TRAPPC10: variants seen among roughly 807,000 people sequenced by gnomAD.
The protein encoded by TRAPPC10 is TRAPP 130 kDa subunit.
In TRAPPC10, 23 loss-of-function variants were observed where a neutral mutation model predicts 125.5. That is an observed-to-expected ratio of 0.18 (90% CI 0.13 to 0.26). The LOEUF is 0.26. TRAPPC10 is among the 10% of genes least tolerant of loss of function. The pLI is 1.00. For synonymous variants in TRAPPC10, 509 were observed against 518.0 expected (o/e 0.98, Z 0.24); for missense variants, 1,123 against 1,308.4 (o/e 0.86, Z 2.19).
chr21:44,083,434 CT>C, intron 14 of TRAPPC10, 132 bp downstream of exon 14: 1 of 1,025,048 alleles, frequency 9.8e-7, no homozygotes, highest in Non-Finnish European at 1.4e-6. Flanking sequence ...TGTCTCTGTC[CT>C]TATACAAAAA....
rs1341510462 is a variant in TRAPPC10 at position 44,063,827 on chromosome 21, TC to T, written c.1038+44del. On this transcript the variant is annotated intron_variant, in intron 7 of 22. Transcript: ENST00000291574. The surrounding 1 kb of genome is among the most constrained non-coding windows in gnomAD (Gnocchi z 4.4). ...CCCAATTTACCCGTTTCTTGATTGT[TC>T]CAGCAGAAATCTCTGAACCTTGAGA... 6.3e-7 allele frequency: 1 copy of T among 1,587,684 alleles called. No homozygotes were observed. Among genetic ancestry groups the T allele is most frequent in the East Asian group, 2.2e-5 (1 of 44,620 alleles).
intron 18 of TRAPPC10, among the ~76,000 whole-genome samples, chr21:44,091,600 T>C (rs2038584421): frequency 6.6e-6 from 1 of 152,072 alleles, no homozygotes; most frequent in African/African-American, 2.4e-5. Flanking sequence ...CCACCACGTC[T>C]GGCTAATTTT....
Position 44,052,397 on chromosome 21 carries a change from A to C in TRAPPC10, c.403A>C (p.Lys135Gln), listed in dbSNP as rs1356881197. ...GATAGTTGAAAATGATGCCAAGAAA[A>C]AAAACAAAACCAACATCCTTCCCCG... is the stretch of plus-strand genomic sequence containing the variant. ...IVIVENDAKKKNKTNILPRTS... is the reference protein window; with the variant it reads ...IVIVENDAKKQNKTNILPRTS... Residue 135 changes from lysine (K) to glutamine (Q), a missense_variant, in exon 4 of 23, where the codon AAA becomes CAA. Coordinates refer to ENST00000291574, the MANE Select transcript of TRAPPC10 (RefSeq NM_003274.5). The C allele has an allele frequency of 1.2e-6, 2 of 1,613,980 alleles. No individual in the cohort carries two copies. Among genetic ancestry groups the C allele is most frequent in the African/African-American group, 2.7e-5 (2 of 74,942 alleles).
chr21:44,019,130 C>T (rs2032206922), intron 1 of TRAPPC10, among the ~76,000 whole-genome samples: 1 of 152,076 alleles, frequency 6.6e-6, no homozygotes, highest in Non-Finnish European at 1.5e-5. Context: ...GATCTCGGCT[C>T]ACTGCAGCCT....
At chr21:44,015,662 T>A (rs1415236215) in intron 1 of TRAPPC10, among the ~76,000 whole-genome samples, 1 of 151,790 alleles carries the variant, frequency 6.6e-6, no homozygotes, top group African/African-American at 2.4e-5. Flanking sequence ...TTGCCCAGGC[T>A]GGAGTGCAGT....
intron 7 of TRAPPC10, among the ~76,000 whole-genome samples, chr21:44,066,818 A>G (rs2036486724): frequency 1.3e-5 from 2 of 152,236 alleles, no homozygotes; most frequent in Admixed American, 1.3e-4. Context: ...TCGAAGATAG[A>G]CATGTTTTTA....
At chr21:44,046,708 A>G (rs533952481) in intron 3 of TRAPPC10, 9 of 334,816 alleles carry the variant, frequency 2.7e-5, no homozygotes, top group Non-Finnish European at 3.4e-5. Context: ...GGGTTTCTCC[A>G]TGTTGGTCAG....
At position 44,037,825 on chromosome 21, in the gene TRAPPC10, A is replaced by G. The variant is rs2034101261; in HGVS notation, c.183A>G (p.Leu61=). The change falls in exon 3 of 23, where the codon CTA becomes CTG. Residue 61 remains leucine, a synonymous_variant. Transcript: ENST00000291574. ...GCCGGGCTCCGAAGATGATTCACCT[A>G]GAGTCTAACTTTGTTCAATTCAAAG... ...SYGRAPKMIH[L]ESNFVQFKEE... 6.2e-7 allele frequency: 1 copy of G among 1,614,154 alleles called. No homozygotes were observed. Among genetic ancestry groups the G allele is most frequent in the Non-Finnish European group, 8.5e-7 (1 of 1,180,032 alleles).
At chr21:44,090,004 C>A in intron 18 of TRAPPC10, 71 bp downstream of exon 18, 1 of 1,227,468 alleles carries the variant, frequency 8.1e-7, no homozygotes, top group Non-Finnish European at 1.2e-6. Context: ...TCCTAATGTT[C>A]AAAACTGGCC....
intron 7 of TRAPPC10, among the ~76,000 whole-genome samples, chr21:44,064,835 A>G (rs1356673908): frequency 6.6e-6 from 1 of 152,206 alleles, no homozygotes; most frequent in East Asian, 1.9e-4. Flanking sequence ...CCAAGTCACA[A>G]ACTCAGAAAC....
At chr21:44,060,911 T>TACACACAC (rs1230320455) in intron 6 of TRAPPC10, among the ~76,000 whole-genome samples, 148 of 106,442 alleles carry the variant, frequency 1.4e-3, no homozygotes, top group African/African-American at 7.5e-3. Flanking sequence ...TATACATACA[T>TACACACAC]ACATACACAC....
chr21:44,087,713 G>T lies in TRAPPC10; in HGVS notation c.2554G>T (p.Ala852Ser), dbSNP rs2038239715. The T allele has an allele frequency of 6.8e-6, 11 of 1,613,714 alleles. No individual in the cohort carries two copies. Among genetic ancestry groups the T allele is most frequent in the Non-Finnish European group, 9.3e-6 (11 of 1,180,028 alleles). ...GTCCTTCGTAGAACAGTCTTCTGAGGCCGCGCTCCGGATTCAGTCCTCCGA... is the reference window on the plus strand; with the variant it reads ...GTCCTTCGTAGAACAGTCTTCTGAGTCCGCGCTCCGGATTCAGTCCTCCGA... ...YSNTREQSSEAALRIQSSDKV... is the reference protein window; with the variant it reads ...YSNTREQSSESALRIQSSDKV... The change falls in exon 17 of 23, where the codon GCC becomes TCC. Residue 852 changes from alanine to serine, a missense_variant. Transcript: ENST00000291574. The surrounding 1 kb of genome is among the most constrained non-coding windows in gnomAD (Gnocchi z 4.6).
chr21:44,092,592 T>TC (rs397770402), intron 19 of TRAPPC10, among the ~76,000 whole-genome samples: 11 of 64 alleles, frequency 0.17, no homozygotes, highest in African/African-American at 0.34. Flanking sequence ...TGTCTGAATC[T>TC]CAGCATTTTC....
rs779854198 is a variant in TRAPPC10, at chr21:44,063,624, C to T, written c.877C>T (p.Arg293Trp). 11 of 1,614,036 alleles carry T rather than the reference C, an allele frequency of 6.8e-6. No homozygotes were observed. Among genetic ancestry groups the T allele is most frequent in the South Asian group, 1.1e-5 (1 of 91,088 alleles). The change falls in exon 7 of 23, where the codon CGG becomes TGG. Residue 293 changes from arginine (R) to tryptophan (W), a missense_variant. Arg to Trp is a moderately radical substitution (Grantham distance 101). This residue lies in a region of TRAPPC10 where 91 missense variants were observed against 127.1 expected (regional missense o/e 0.72). Transcript: ENST00000291574. The surrounding 1 kb of genome is among the most constrained non-coding windows in gnomAD (Gnocchi z 4.4). ...ILRKPIDMEK[R>W]ESIQRREATL... ...CCGAAAACCCATAGATATGGAGAAG[C>T]GGGAATCGATCCAGAGGCGAGAAGC...
intron 17 of TRAPPC10, chr21:44,089,242 G>A (rs971471156): frequency 9.1e-6 from 3 of 328,354 alleles, no homozygotes; most frequent in Middle Eastern, 1.1e-3. Flanking sequence ...CGGCACGCAC[G>A]CTGTGTGCTG....
chr21:44,077,250 C>T (rs563173527), intron 10 of TRAPPC10, among the ~76,000 whole-genome samples: 1 of 152,218 alleles, frequency 6.6e-6, no homozygotes, highest in African/African-American at 2.4e-5. Context: ...CAGAAAAATT[C>T]ACAAAAATAG....
chr21:44,013,281 T>C (rs1459197219), intron 1 of TRAPPC10, among the ~76,000 whole-genome samples: 1 of 152,144 alleles, frequency 6.6e-6, no homozygotes, highest in African/African-American at 2.4e-5. Flanking sequence ...ACGGGAAAAA[T>C]GTTCCCTAAA....
At position 44,092,077 on chromosome 21, in the gene TRAPPC10, ACTT is replaced by A. The variant is rs761902713; in HGVS notation, c.2997+31_2997+33del. 7.4e-6 allele frequency: 12 copies of A among 1,610,744 alleles called. No individual in the cohort carries two copies. The East Asian group carries it at 2.5e-4, about 33-fold the overall frequency. ...AAACATTGTGTAGACCTGAGCATAA[ACTT>A]CTCAACAGAGAACCAGAGTGTACGG... On this transcript the variant is annotated intron_variant, in intron 19 of 22. Coordinates refer to ENST00000291574, the MANE Select transcript of TRAPPC10 (RefSeq NM_003274.5).
chr21:44,028,092 C>T (rs1185782788), intron 1 of TRAPPC10, among the ~76,000 whole-genome samples: 1 of 152,080 alleles, frequency 6.6e-6, no homozygotes, highest in East Asian at 1.9e-4. Flanking sequence ...GAATTCTTTC[C>T]CCCATCGTGT....
Sources: gnomAD v4.1 joint callset for allele counts (sites outside exome capture counted in the v4.1 genomes callset) on GRCh38, gnomAD v4.1.1 for gene constraint, gnomAD v4.1.1 regional missense constraint, Gnocchi (gnomAD v3.1) non-coding constraint, MANE v1.5 for transcripts, NCBI Gene and HGNC (gene_info 2026-07-23, HGNC 2026-07-21) for gene names.